Variants in PARP4 observed in about 807,000 individuals in gnomAD.
PARP4 encodes the protein poly(ADP-ribose) polymerase family member 4.
PARP4 carries 120 observed loss-of-function variants against 187.7 expected under a neutral mutation model. The ratio of observed to expected loss-of-function variants is 0.64; its 90% CI spans 0.55 to 0.74. PARP4 has a LOEUF of 0.74. Among genes scored for constraint, PARP4 ranks in the 30% least tolerant of loss-of-function variants. The pLI is 0.00. For missense variants in PARP4, 1,836 were observed against 2,070.5 expected, an observed-to-expected ratio of 0.89 and a Z score of 2.20; for synonymous variants, 654 against 740.9, an observed-to-expected ratio of 0.88 and a Z score of 1.90.
Position 24,449,803 on chromosome 13 carries a change from C to T in PARP4, c.3029G>A (p.Arg1010His), listed in dbSNP as rs371200121. The change falls in exon 25 of 34, where the codon CGT (arginine) becomes CAT (histidine). Residue 1010 changes from arginine (R) to histidine (H), a missense_variant. Physicochemically the swap from Arg to His is conservative, Grantham distance 29. Coordinates refer to ENST00000381989, the MANE Select transcript of PARP4 (RefSeq NM_006437.4). The part of the protein sequence containing the change: ...FACGIGSTAN[R>H]HVLRILSQCG... ...CTGGGACAAAATCCTTAAGACGTGA[C>T]GATTTGCTGTAGAACTGATCACATT... 7 of 1,599,996 alleles carry T rather than the reference C, an allele frequency of 4.4e-6. No homozygotes were observed. Among genetic ancestry groups the T allele is most frequent in the East Asian group, 2.2e-5 (1 of 44,770 alleles).
At chr13:24,512,162 C>G (rs556530066) in intron 1 of PARP4, among the ~76,000 whole-genome samples, 26 of 152,274 alleles carry the variant, frequency 1.7e-4, no homozygotes, top group Non-Finnish European at 3.4e-4. Context: ...CAACTCGATC[C>G]CTGGGTGAAC....
chr13:24,447,220 T>C (rs7139805), intron 25 of PARP4, 34 bp from the exon 26 acceptor site: 226,065 of 1,493,882 alleles, frequency 0.15, 8,447 homozygotes, highest in Middle Eastern at 0.2. Context: ...TCTCTTTCAA[T>C]GCTCCATCCA....
At position 24,494,668 on chromosome 13, in the gene PARP4, C is replaced by G. The variant is rs145170390; in HGVS notation, c.646G>C (p.Glu216Gln). The G allele has an allele frequency of 3.6e-5, 58 of 1,610,000 alleles. No homozygotes were observed. Among genetic ancestry groups the G allele is most frequent in the Non-Finnish European group, 4.7e-5 (55 of 1,176,792 alleles). The change falls in exon 7 of 34, where the codon GAA (glutamate) becomes CAA (glutamine). Residue 216 changes from glutamate (E) to glutamine (Q), a missense_variant. Transcript: ENST00000381989. Reference protein sequence around the residue: ...KTSEDASEYFENYIEELKKQG... With the variant: ...KTSEDASEYFQNYIEELKKQG... Reference sequence around the variant, plus strand: ...TTCTTCAGTTCTTCAATGTAATTTTCAAAGTATTCACTTGCATCTTCAGAG... The same window carrying G: ...TTCTTCAGTTCTTCAATGTAATTTTGAAAGTATTCACTTGCATCTTCAGAG...
chr13:24,448,537 A>AT (rs1367540437), intron 25 of PARP4, among the ~76,000 whole-genome samples: 1 of 152,226 alleles, frequency 6.6e-6, no homozygotes, highest in African/African-American at 2.4e-5. Flanking sequence ...ATGTAAAATG[A>AT]TGCAGCTGCT....
At chr13:24,507,507 G>C (rs976244247) in intron 1 of PARP4, among the ~76,000 whole-genome samples, 1 of 152,112 alleles carries the variant, frequency 6.6e-6, no homozygotes, top group Non-Finnish European at 1.5e-5. Context: ...ACAACCACTG[G>C]GTGCTATTCT....
intron 17 of PARP4, among the ~76,000 whole-genome samples, chr13:24,462,752 A>G (rs1872271185): frequency 6.6e-6 from 1 of 152,254 alleles, no homozygotes; most frequent in South Asian, 2.1e-4. Context: ...ACACATTATC[A>G]AAGTTGAAGA....
chr13:24,451,039 C>T (rs1871490240), intron 24 of PARP4, among the ~76,000 whole-genome samples: 5 of 152,184 alleles, frequency 3.3e-5, no homozygotes, highest in Admixed American at 3.3e-4. Context: ...CTGAGCCTGA[C>T]CTCATCACAC....
intron 17 of PARP4, among the ~76,000 whole-genome samples, chr13:24,460,519 C>T (rs963359202): frequency 3.4e-5 from 5 of 146,296 alleles, no homozygotes; most frequent in Admixed American, 1.4e-4. Flanking sequence ...CATGGGTGGG[C>T]TCTGCTGCAC....
intron 17 of PARP4, among the ~76,000 whole-genome samples, chr13:24,465,746 T>C (rs1212475704): frequency 6.7e-6 from 1 of 149,820 alleles, no homozygotes; most frequent in African/African-American, 2.5e-5. Context: ...CAAACCTGCA[T>C]GTCTTGCACA....
At chr13:24,497,666 T>C (rs1869029215) in intron 6 of PARP4, among the ~76,000 whole-genome samples, 1 of 152,190 alleles carries the variant, frequency 6.6e-6, no homozygotes, top group Admixed American at 6.5e-5. Context: ...ACAAAATGCA[T>C]ATGCTGAAGT....
At chr13:24,465,004 GA>G (rs1355138145) in intron 17 of PARP4, among the ~76,000 whole-genome samples, 2 of 152,032 alleles carry the variant, frequency 1.3e-5, no homozygotes, top group Non-Finnish European at 2.9e-5. Flanking sequence ...CTTCTCAAAA[GA>G]AGACATTTAT....
intron 32 of PARP4, among the ~76,000 whole-genome samples, chr13:24,427,454 C>G (rs1870117821): frequency 6.6e-6 from 1 of 150,880 alleles, no homozygotes; most frequent in African/African-American, 2.4e-5. Context: ...CACTGTAGCC[C>G]CCAACTCCTG....
intron 12 of PARP4, among the ~76,000 whole-genome samples, chr13:24,483,597 A>G (rs1873394922): frequency 6.6e-6 from 1 of 151,884 alleles, no homozygotes; most frequent in Non-Finnish European, 1.5e-5. Context: ...CAAACTCCTG[A>G]GTAGCTGGGA....
chr13:24,486,241 A>G lies in PARP4; in HGVS notation c.1279T>C (p.Leu427=), dbSNP rs1223162778. ...VGRVNETTEF[L]SKLGNVRPLL... Reference sequence around the variant, plus strand: ...GGCCTCACATTACCAAGTTTGCTCAAAAACTCTGTGGTTTCATTCACTCTG... The same window carrying G: ...GGCCTCACATTACCAAGTTTGCTCAGAAACTCTGTGGTTTCATTCACTCTG... Residue 427 remains leucine, a synonymous_variant, in exon 11 of 34, where the codon TTG becomes CTG. Coordinates refer to ENST00000381989, the MANE Select transcript of PARP4 (RefSeq NM_006437.4). 6.2e-7 allele frequency: 1 copy of G among 1,613,096 alleles called. No homozygotes were observed. The highest frequency in any genetic ancestry group is 8.5e-7 in the Non-Finnish European group (1 of 1,179,058).
chr13:24,511,567 T>C (rs912519811), intron 1 of PARP4, among the ~76,000 whole-genome samples: 3 of 152,188 alleles, frequency 2.0e-5, no homozygotes, highest in Admixed American at 1.3e-4. Flanking sequence ...CCATAAACCA[T>C]TGGTGTAGGT....
chr13:24,455,480 A>AATATATAT (rs57015283), intron 21 of PARP4, among the ~76,000 whole-genome samples: 1,428 of 108,366 alleles, frequency 0.013, 35 homozygotes, highest in Admixed American at 0.047. Flanking sequence ...TTATGGAACA[A>AATATATAT]ATATATATAT....
intron 15 of PARP4, among the ~76,000 whole-genome samples, chr13:24,473,663 T>C (rs546610303): frequency 6.6e-6 from 1 of 152,264 alleles, no homozygotes; most frequent in South Asian, 2.1e-4. Flanking sequence ...TGCTGTCTCA[T>C]CTTCTCTCCT....
intron 1 of PARP4, 58 bp from the exon 2 acceptor site, chr13:24,503,835 G>A (rs1280408175): frequency 2.7e-6 from 4 of 1,463,608 alleles, no homozygotes; most frequent in African/African-American, 1.4e-5. Flanking sequence ...AGTGAATTTA[G>A]AATTATTATA....
intron 3 of PARP4, 116 bp downstream of exon 3, chr13:24,501,517 A>C: frequency 4.3e-6 from 3 of 702,982 alleles, no homozygotes; most frequent in Non-Finnish European, 4.9e-6. Flanking sequence ...CTGAGGTAAT[A>C]AGTCTAATTT....
Sources: allele counts gnomAD v4.1 joint callset (sites outside exome capture counted in the v4.1 genomes callset), GRCh38; gene constraint gnomAD v4.1.1; transcripts MANE v1.5; gene names NCBI Gene and HGNC (gene_info 2026-07-23, HGNC 2026-07-21).